The following TCERG1L variants were observed in gnomAD, a reference collection of about 807,000 sequenced individuals.
The protein encoded by TCERG1L is transcription elongation regulator 1-like protein.
In TCERG1L, 37 loss-of-function variants were observed where a neutral mutation model predicts 56.3. The ratio of observed to expected loss-of-function variants is 0.66; its 90% confidence interval spans 0.51 to 0.87. The LOEUF is 0.87. Ranked by LOEUF, TCERG1L falls within the 40% of genes least tolerant of loss-of-function variation. TCERG1L has a pLI of 0.00. For synonymous variants in TCERG1L, 324 were observed against 326.3 expected, an observed-to-expected ratio of 0.99 and a Z score of 0.08; for missense variants, 799 against 774.2, an observed-to-expected ratio of 1.03 and a Z score of -0.38.
chr10:131,234,299 A>G (rs1845889013), intron 4 of TCERG1L, among the ~76,000 whole-genome samples: 2 of 152,208 alleles, frequency 1.3e-5, no homozygotes, highest in Admixed American at 6.5e-5. Context: ...TGTTGAAAAG[A>G]TACTTCATAG....
chr10:131,209,124 A>G (rs959031067), intron 4 of TCERG1L, among the ~76,000 whole-genome samples: 1 of 152,140 alleles, frequency 6.6e-6, no homozygotes, highest in Non-Finnish European at 1.5e-5. Flanking sequence ...AATACTCCAT[A>G]AAATTACTTT....
intron 9 of TCERG1L, among the ~76,000 whole-genome samples, chr10:131,106,456 C>T (rs146005681): frequency 3.5e-4 from 54 of 152,252 alleles, no homozygotes; most frequent in African/African-American, 1.2e-3. Context: ...TATTCCAGGA[C>T]CAGCTGGTGG....
intron 7 of TCERG1L, among the ~76,000 whole-genome samples, chr10:131,142,940 G>A (rs1227265217): frequency 1.3e-5 from 2 of 152,076 alleles, no homozygotes; most frequent in Non-Finnish European, 2.9e-5. Flanking sequence ...TAGACCACAG[G>A]GACCCTTCAG....
In TCERG1L at chr10:131,217,080, T is replaced by C. The variant is rs114199491; in HGVS notation, c.856+43179A>G. Among the ~76,000 whole-genome samples, 697 of 152,206 alleles carry C rather than the reference T, an allele frequency of 4.6e-3. 6 individuals carry two copies. The highest frequency in any genetic ancestry group is 0.014 in the Middle Eastern group (4 of 294). ...TGGACGCAGTAGAACAAGGGTGATA[T>C]GGTTTGGATCTTGTCCCCACCCAAA... is the stretch of plus-strand genomic sequence containing the variant. On this transcript the variant is annotated intron_variant, in intron 4 of 11. Coordinates refer to ENST00000368642, the MANE Select transcript of TCERG1L (RefSeq NM_174937.4).
Position 131,243,772 on chromosome 10 carries a change from G to C in TCERG1L, c.856+16487C>G, listed in dbSNP as rs180788217. 3.9e-5 allele frequency among the ~76,000 whole-genome samples: 6 copies of C among 152,322 alleles called. No homozygotes were observed. The East Asian group carries it at 1.2e-3, about 29-fold the overall frequency. On this transcript the variant is annotated intron_variant, in intron 4 of 11. Transcript: ENST00000368642. Reference sequence around the variant, plus strand: ...CACCAGGCAAAATGGCAGATGACCTGATGCACAAGGGACACATTATTAGCT... The same window carrying C: ...CACCAGGCAAAATGGCAGATGACCTCATGCACAAGGGACACATTATTAGCT...
At chr10:131,255,329 A>G (rs1846155251) in intron 4 of TCERG1L, among the ~76,000 whole-genome samples, 1 of 152,266 alleles carries the variant, frequency 6.6e-6, no homozygotes, top group Admixed American at 6.5e-5. Context: ...CCATCGCAGA[A>G]GAATGCGCAA....
intron 4 of TCERG1L, among the ~76,000 whole-genome samples, chr10:131,209,264 T>C (rs1845588933): frequency 6.7e-6 from 1 of 150,102 alleles, no homozygotes; most frequent in African/African-American, 2.4e-5. Context: ...GTCCCAAGCA[T>C]TTCAGATCAG....
intron 6 of TCERG1L, among the ~76,000 whole-genome samples, chr10:131,157,583 C>T (rs890272583): frequency 8.7e-5 from 13 of 149,678 alleles, no homozygotes; most frequent in Non-Finnish European, 1.5e-4. Context: ...TGTCTAAAGC[C>T]AAATTACAAA....
rs865852770 is a variant in TCERG1L, at chr10:131,289,622, T to A, written c.670+18589A>T. Among the ~76,000 whole-genome samples, 2 of 53,150 alleles carry A rather than the reference T, an allele frequency of 3.8e-5. 1 individual carries two copies. The highest frequency in any genetic ancestry group is 9.9e-5 in the Non-Finnish European group (2 of 20,270). 34.9% of individuals were successfully genotyped at this position (53,150 alleles called of 152,430 possible). A position where few individuals can be genotyped will look rare whatever the true frequency, so the allele number is the denominator to read the frequency against. On this transcript the variant is annotated intron_variant, in intron 3 of 11. Transcript: ENST00000368642. ...GAGTGTATGTGTGCACCGCTGTGTGTGAGGTGTGCACTGCCTCCATCTCCT... is the reference window on the plus strand; with the variant it reads ...GAGTGTATGTGTGCACCGCTGTGTGAGAGGTGTGCACTGCCTCCATCTCCT...
intron 6 of TCERG1L, among the ~76,000 whole-genome samples, chr10:131,152,643 C>T (rs1048040037): frequency 2.0e-5 from 3 of 152,216 alleles, no homozygotes; most frequent in Admixed American, 6.5e-5. Flanking sequence ...GTTGCTTCCA[C>T]ATTTTCAGGT....
intron 4 of TCERG1L, among the ~76,000 whole-genome samples, chr10:131,221,757 G>A (rs1434575840): frequency 6.6e-6 from 1 of 152,302 alleles, no homozygotes; most frequent in Admixed American, 6.5e-5. Context: ...GTAATCACAC[G>A]GAGGGCAGCC....
intron 9 of TCERG1L, among the ~76,000 whole-genome samples, chr10:131,108,699 T>C (rs1421557415): frequency 6.6e-6 from 1 of 152,156 alleles, no homozygotes; most frequent in Non-Finnish European, 1.5e-5. Flanking sequence ...GAGTCCAGCA[T>C]GGGGGCATTG....
intron 4 of TCERG1L, among the ~76,000 whole-genome samples, chr10:131,177,248 C>A (rs1336432247): frequency 6.6e-6 from 1 of 152,078 alleles, no homozygotes; most frequent in South Asian, 2.1e-4. Flanking sequence ...GTACACTACA[C>A]ACACACAGGC....
chr10:131,180,167 G>C (rs1422152337), intron 4 of TCERG1L, among the ~76,000 whole-genome samples: 1 of 152,210 alleles, frequency 6.6e-6, no homozygotes, highest in East Asian at 1.9e-4. Context: ...GAGACCCCAA[G>C]GATGGGTAGG....
intron 3 of TCERG1L, among the ~76,000 whole-genome samples, chr10:131,278,285 C>T (rs1036254201): frequency 2.6e-5 from 4 of 151,750 alleles, no homozygotes; most frequent in African/African-American, 4.8e-5. Context: ...GAAGATGAGA[C>T]GAGGCCCCCC....
At chr10:131,187,692 C>T (rs890795434) in intron 4 of TCERG1L, among the ~76,000 whole-genome samples, 1 of 152,144 alleles carries the variant, frequency 6.6e-6, no homozygotes, top group Non-Finnish European at 1.5e-5. Flanking sequence ...CTTCCTGCCC[C>T]GACCTAACTG....
chr10:131,151,014 G>A (rs1394623137), intron 6 of TCERG1L, among the ~76,000 whole-genome samples: 4 of 152,218 alleles, frequency 2.6e-5, no homozygotes, highest in African/African-American at 9.6e-5. Context: ...GAACATCATG[G>A]GGGAAACCAC....
chr10:131,149,315 C>CTGCTCCAGGTAGCAGACTCCAGGT (rs57277107), intron 6 of TCERG1L, among the ~76,000 whole-genome samples: 32,330 of 152,082 alleles, frequency 0.21, 4,336 homozygotes, highest in East Asian at 0.33. Flanking sequence ...GCAGACTCCA[C>CTGCTCCAGGTAGCAGACTCCAGGT]ACCCAGGTAG....
chr10:131,252,866 A>G (rs370777306), intron 4 of TCERG1L, among the ~76,000 whole-genome samples: 15 of 152,222 alleles, frequency 9.9e-5, no homozygotes, highest in African/African-American at 3.1e-4. Flanking sequence ...CGATGCTTTC[A>G]TTAAAGCAGC....
Sources: allele counts gnomAD v4.1 joint callset (sites outside exome capture counted in the v4.1 genomes callset), GRCh38; gene constraint gnomAD v4.1.1; transcripts MANE v1.5; gene names NCBI Gene and HGNC (gene_info 2026-07-23, HGNC 2026-07-21).